LTBP1: variants seen among roughly 807,000 people sequenced by gnomAD.
The protein encoded by LTBP1 is latent-transforming growth factor beta-binding protein 1.
A neutral mutation model predicts 207.6 loss-of-function variants in LTBP1; 129 were observed. The observed-to-expected ratio is 0.62, with a 90% CI of 0.54 to 0.72. LTBP1 has a LOEUF of 0.72. LTBP1 is among the 30% of genes least tolerant of loss of function. The pLI is 0.00. For synonymous variants in LTBP1, 963 were observed against 833.7 expected (o/e 1.16, Z -2.67); for missense variants, 2,281 against 2,217.2 (o/e 1.03, Z -0.58).
chr2:32,958,146 A>G (rs1343937235), intron 2 of LTBP1, among the ~76,000 whole-genome samples: 1 of 152,110 alleles, frequency 6.6e-6, no homozygotes, highest in Non-Finnish European at 1.5e-5. Flanking sequence ...ATACTTTCTC[A>G]CTGTGTAATC....
At chr2:32,948,125 C>T (rs576405425) in intron 1 of LTBP1, among the ~76,000 whole-genome samples, 5 of 152,224 alleles carry the variant, frequency 3.3e-5, no homozygotes, top group Non-Finnish European at 7.3e-5. Flanking sequence ...AGAAGATGGG[C>T]GTAAACTTGA....
intron 3 of LTBP1, among the ~76,000 whole-genome samples, chr2:33,079,874 A>C: frequency 6.6e-6 from 1 of 152,164 alleles, no homozygotes; most frequent in East Asian, 1.9e-4. Flanking sequence ...CGTTCTTCTT[A>C]ATCCATATGC....
At chr2:33,172,865 C>T (rs2085605117) in intron 5 of LTBP1, among the ~76,000 whole-genome samples, 1 of 152,096 alleles carries the variant, frequency 6.6e-6, no homozygotes, top group South Asian at 2.1e-4. Context: ...CAAAACTGCT[C>T]AACTACATGG....
At chr2:33,204,475 T>C (rs1328948205) in intron 7 of LTBP1, among the ~76,000 whole-genome samples, 1 of 152,256 alleles carries the variant, frequency 6.6e-6, no homozygotes, top group Non-Finnish European at 1.5e-5. Context: ...GCCTCCAAGA[T>C]GATCACTTTG....
chr2:33,059,116 A>G (rs941032243), intron 3 of LTBP1, among the ~76,000 whole-genome samples: 1 of 152,234 alleles, frequency 6.6e-6, no homozygotes, highest in Non-Finnish European at 1.5e-5. Flanking sequence ...GCACTAGGCA[A>G]TGCAACATTT....
chr2:33,390,982 A>G (rs1475532934), intron 32 of LTBP1, among the ~76,000 whole-genome samples: 5 of 151,380 alleles, frequency 3.3e-5, no homozygotes, highest in African/African-American at 1.2e-4. Flanking sequence ...TTCTGCATCA[A>G]GAGCTTTTAT....
At chr2:32,959,779 C>T (rs887856566) in intron 2 of LTBP1, among the ~76,000 whole-genome samples, 2 of 151,312 alleles carry the variant, frequency 1.3e-5, no homozygotes, top group East Asian at 3.9e-4. Context: ...TGCCACCACA[C>T]CTGGCTAATT....
intron 3 of LTBP1, among the ~76,000 whole-genome samples, chr2:33,037,583 C>T (rs568437206): frequency 3.9e-5 from 6 of 152,138 alleles, no homozygotes; most frequent in Non-Finnish European, 8.8e-5. Flanking sequence ...TCTTAATAAT[C>T]TACAGTTGTT....
At position 33,360,592 on chromosome 2, in the gene LTBP1, T is replaced by C; in HGVS notation, c.4001-5T>C. The C allele has an allele frequency of 6.2e-7, 1 of 1,603,692 alleles. No individual in the cohort carries two copies. Among genetic ancestry groups the C allele is most frequent in the Non-Finnish European group, 8.5e-7 (1 of 1,170,548 alleles). On this transcript the variant is annotated splice_polypyrimidine_tract_variant and splice_region_variant and intron_variant, in intron 26 of 33. Transcript: ENST00000404816. Reference sequence around the variant, plus strand: ...TTGTCACTCTACTTTCTCTACTCCATTTAGATTTAGATGTAGATGTAGATC... The same window carrying C: ...TTGTCACTCTACTTTCTCTACTCCACTTAGATTTAGATGTAGATGTAGATC...
chr2:33,360,108 G>A (rs867412020), intron 26 of LTBP1, among the ~76,000 whole-genome samples: 26 of 152,288 alleles, frequency 1.7e-4, no homozygotes, highest in African/African-American at 5.8e-4. Context: ...TGCAGGTTAC[G>A]ACAGTATTTT....
chr2:33,271,758 T>C (rs1289310008), intron 15 of LTBP1, among the ~76,000 whole-genome samples: 1 of 152,210 alleles, frequency 6.6e-6, no homozygotes, highest in Non-Finnish European at 1.5e-5. Flanking sequence ...TTATATTCTA[T>C]ATTATAATTT....
In LTBP1 at chr2:33,178,140, G is replaced by A. The variant is rs539353394; in HGVS notation, c.1202-8716G>A. On this transcript the variant is annotated intron_variant, in intron 5 of 33. Transcript: ENST00000404816. ...TTTGAAGTCTTTTAAGATTGTTGCCGAAGGAGGCCTCAATCTCAAGGTGTT... is the reference window on the plus strand; with the variant it reads ...TTTGAAGTCTTTTAAGATTGTTGCCAAAGGAGGCCTCAATCTCAAGGTGTT... Among the ~76,000 whole-genome samples, 31 of 152,302 alleles carry A rather than the reference G, an allele frequency of 2.0e-4. 1 individual carries two copies. Among genetic ancestry groups the A allele is most frequent in the African/African-American group, 6.5e-4 (27 of 41,546 alleles).
intron 2 of LTBP1, among the ~76,000 whole-genome samples, chr2:32,964,456 A>G (rs1679630630): frequency 6.6e-6 from 1 of 152,198 alleles, no homozygotes; most frequent in Admixed American, 6.5e-5. Context: ...TTTCTCTCCA[A>G]GTAGAAAGGC....
At chr2:33,074,695 C>G (rs1051986755) in intron 3 of LTBP1, among the ~76,000 whole-genome samples, 1 of 151,930 alleles carries the variant, frequency 6.6e-6, no homozygotes. Context: ...ACGGTGAAAC[C>G]CCGTCTCTAC....
intron 9 of LTBP1, among the ~76,000 whole-genome samples, chr2:33,233,239 A>G (rs1382443709): frequency 6.6e-6 from 1 of 151,972 alleles, no homozygotes; most frequent in African/African-American, 2.4e-5. Flanking sequence ...TTTTCGCTGC[A>G]TTTTGAATGG....
At chr2:33,139,458 C>T (rs915339172) in intron 5 of LTBP1, among the ~76,000 whole-genome samples, 1 of 152,102 alleles carries the variant, frequency 6.6e-6, no homozygotes, top group South Asian at 2.1e-4. Context: ...ATGTAAATAA[C>T]CCTAAATTAA....
At position 33,162,371 on chromosome 2, in the gene LTBP1, A is replaced by G. The variant is rs552155470; in HGVS notation, c.1202-24485A>G. Among the ~76,000 whole-genome samples the G allele has an allele frequency of 7.2e-5, 11 of 152,320 alleles. No homozygotes were observed. The South Asian group carries it at 1.2e-3, about 17-fold the overall frequency. On this transcript the variant is annotated intron_variant, in intron 5 of 33. Coordinates refer to ENST00000404816, the MANE Select transcript of LTBP1 (RefSeq NM_206943.4). The stretch of plus-strand genomic sequence containing the variant: ...GGAATTCTGAATGGATGTCATGACT[A>G]TATATCTAATAATTACTTAGGAAAT...
chr2:33,174,612 C>T (rs1318584062), intron 5 of LTBP1, among the ~76,000 whole-genome samples: 3 of 152,098 alleles, frequency 2.0e-5, no homozygotes, highest in African/African-American at 7.2e-5. Context: ...ATGCCATCCC[C>T]ATCAAGCTAC....
At chr2:33,016,341 A>T (rs1160002508) in intron 2 of LTBP1, among the ~76,000 whole-genome samples, 1 of 152,176 alleles carries the variant, frequency 6.6e-6, no homozygotes, top group East Asian at 1.9e-4. Flanking sequence ...TTTGAATGAA[A>T]GGGAAAAAAA....
Sources: allele counts gnomAD v4.1 joint callset (sites outside exome capture counted in the v4.1 genomes callset), GRCh38; gene constraint gnomAD v4.1.1; transcripts MANE v1.5; gene names NCBI Gene and HGNC (gene_info 2026-07-23, HGNC 2026-07-21).